The following RPAP1 variants were observed in gnomAD, a reference collection of about 807,000 sequenced individuals.
RPAP1 encodes the protein RNA polymerase II associated protein 1, also known as RNA polymerase II-associated protein 1.
In RPAP1, 109 loss-of-function variants were observed where a neutral mutation model predicts 142.4. That is an observed-to-expected ratio of 0.77 (90% CI 0.66 to 0.90). The LOEUF is 0.90. Ranked by LOEUF, RPAP1 falls within the 40% of genes least tolerant of loss-of-function variation. RPAP1 has a pLI of 0.00. For missense variants in RPAP1, 1,546 were observed against 1,751.7 expected (o/e 0.88, Z 2.10); for synonymous variants, 704 against 738.9 (o/e 0.95, Z 0.77).
In RPAP1 at chr15:41,522,799, G is replaced by T; in HGVS notation, c.2708C>A (p.Thr903Asn). 1.9e-6 allele frequency: 3 copies of T among 1,580,868 alleles called. No individual in the cohort carries two copies. The highest frequency in any genetic ancestry group is 2.6e-6 in the Non-Finnish European group (3 of 1,169,486). The change falls in exon 19 of 25, where the codon ACC becomes AAC. Residue 903 changes from threonine to asparagine, a missense_variant. By Grantham distance (65) the Thr-to-Asn change is moderately conservative. Around this residue, in one of 3 missense-constraint regions of RPAP1, gnomAD observed 1,333 missense variants for 1,486.6 expected, o/e 0.90. Transcript: ENST00000304330. ...FLTALLSLLN[T>N]LAQIHKGLCG... ...CAGCCCCTTGTGGATCTGGGCCAGGGTATTAAGAAGAGAGAGGAGGGCAGT... is the reference window on the plus strand; with the variant it reads ...CAGCCCCTTGTGGATCTGGGCCAGGTTATTAAGAAGAGAGAGGAGGGCAGT...
Position 41,535,601 on chromosome 15 carries a change from A to AG in RPAP1, c.451_452insC (p.Ile151ThrfsTer13). 6.2e-7 allele frequency: 1 copy of AG among 1,614,058 alleles called. No homozygotes were observed. The highest frequency in any genetic ancestry group is 1.1e-5 in the South Asian group (1 of 91,060). On this transcript the variant is annotated frameshift_variant, in exon 5 of 25. Coordinates refer to ENST00000304330, the MANE Select transcript of RPAP1 (RefSeq NM_015540.4). LOFTEE classifies it high-confidence loss of function. Reference sequence around the variant, plus strand: ...CCTTGCCGCAATTTCCTGGGCAAAGATGCTTCTCTTACCAGATGTTGCTGA... The same window carrying AG: ...CCTTGCCGCAATTTCCTGGGCAAAGAGTGCTTCTCTTACCAGATGTTGCTGA...
chr15:41,518,420 C>T (rs369431230), intron 22 of RPAP1: 2 of 378,440 alleles, frequency 5.3e-6, no homozygotes, highest in South Asian at 8.0e-5. Flanking sequence ...TAGTGGGCCA[C>T]GCCTGTAATC....
At position 41,524,270 on chromosome 15, in the gene RPAP1, G is replaced by A. The variant is rs2051765938; in HGVS notation, c.2076-16C>T. On this transcript the variant is annotated splice_polypyrimidine_tract_variant and intron_variant, in intron 15 of 24. Transcript: ENST00000304330. The stretch of plus-strand genomic sequence containing the variant: ...GTAGAGCTCCCTAGGGAAGAACAGG[G>A]ACTGATTTTCACTGTATGAAAGCAA... 3.3e-6 allele frequency: 5 copies of A among 1,510,910 alleles called. No individual in the cohort carries two copies. Among genetic ancestry groups the A allele is most frequent in the Admixed American group, 2.3e-5 (1 of 44,308 alleles). The allele number at this position is 1,510,910 out of a possible 1,614,324, so 93.6% of individuals were successfully genotyped here. A position where few individuals can be genotyped will look rare whatever the true frequency, so the allele number is the denominator to read the frequency against.
At chr15:41,524,621 GTGTGC>G in intron 15 of RPAP1, among the ~76,000 whole-genome samples, 2 of 151,954 alleles carry the variant, frequency 1.3e-5, no homozygotes, top group Admixed American at 1.3e-4. Flanking sequence ...GATTACAGGT[GTGTGC>G]CACCACGCCT....
In RPAP1 at chr15:41,535,630, C is replaced by T. The variant is rs150107533; in HGVS notation, c.423G>A (p.Gly141=). 2,357 of 1,610,732 alleles carry T rather than the reference C, an allele frequency of 1.5e-3. 1 individual carries two copies. Among genetic ancestry groups the T allele is most frequent in the Non-Finnish European group, 1.4e-3 (1,691 of 1,179,082 alleles). Reference sequence around the variant, plus strand: ...TTCTCTTACCAGATGTTGCTGATTTCCCCTGTGGGGCAAAAAGAAAACCCA... The same window carrying T: ...TTCTCTTACCAGATGTTGCTGATTTTCCCTGTGGGGCAAAAAGAAAACCCA... ...AVFLRSRDTQ[G]KSATSGKRSI... The change falls in exon 5 of 25, where the codon GGG becomes GGA. Residue 141 remains glycine (G), a splice_region_variant and synonymous_variant. Transcript: ENST00000304330.
intron 22 of RPAP1, among the ~76,000 whole-genome samples, chr15:41,519,169 G>C (rs928278894): frequency 2.0e-5 from 3 of 152,154 alleles, no homozygotes; most frequent in African/African-American, 7.2e-5. Context: ...TGGATTACAG[G>C]CATGAGCCAC....
intron 17 of RPAP1, 82 bp downstream of exon 17, chr15:41,523,689 G>C: frequency 8.4e-7 from 1 of 1,187,376 alleles, no homozygotes; most frequent in Non-Finnish European, 1.2e-6. Flanking sequence ...TGGAGAGATG[G>C]ACACAGAGAG....
intron 9 of RPAP1, among the ~76,000 whole-genome samples, chr15:41,529,212 G>A (rs970019735): frequency 6.6e-6 from 1 of 152,210 alleles, no homozygotes; most frequent in African/African-American, 2.4e-5. Flanking sequence ...GCATGCGCCT[G>A]TAATCCCAGC....
chr15:41,539,284 T>TTTTTTTG (rs564506841), intron 1 of RPAP1, among the ~76,000 whole-genome samples: 1 of 151,900 alleles, frequency 6.6e-6, no homozygotes, highest in African/African-American at 2.4e-5. Flanking sequence ...TTTTTGTTTT[T>TTTTTTTG]TTTTTTGTTT....
At chr15:41,532,166 C>T (rs891341834) in intron 6 of RPAP1, among the ~76,000 whole-genome samples, 3 of 151,552 alleles carry the variant, frequency 2.0e-5, no homozygotes, top group Non-Finnish European at 2.9e-5. Flanking sequence ...GGACTACAGG[C>T]GTGTGCCACC....
rs1402730588 is a variant in RPAP1 at position 41,527,733 on chromosome 15, G to A, written c.1428+127C>T. ...CTGGGCTTTAGGGACTTTAGGAGAT[G>A]AGGGAGACGCCTGCCATCCCATTCT... On this transcript the variant is annotated intron_variant, in intron 11 of 24. Coordinates refer to ENST00000304330, the MANE Select transcript of RPAP1 (RefSeq NM_015540.4). 1.8e-5 allele frequency: 26 copies of A among 1,456,176 alleles called. No individual in the cohort carries two copies. The Admixed American group carries it at 5.4e-4, about 30-fold the overall frequency. The allele number at this position is 1,456,176 out of a possible 1,614,324, so 90.2% of individuals were successfully genotyped here.
chr15:41,537,388 A>G (rs532454191), intron 1 of RPAP1, among the ~76,000 whole-genome samples, 187 bp from the exon 2 acceptor site: 6 of 152,050 alleles, frequency 3.9e-5, no homozygotes, highest in Non-Finnish European at 8.8e-5. Context: ...TTTATAGCCA[A>G]CTTAGGTTGT....
chr15:41,540,985 C>T (rs747571702), intron 1 of RPAP1, among the ~76,000 whole-genome samples: 9 of 152,164 alleles, frequency 5.9e-5, no homozygotes, highest in Non-Finnish European at 1.3e-4. Flanking sequence ...ACCTCCTCCC[C>T]TAGTTGTGAC....
chr15:41,523,438 C>G, intron 17 of RPAP1, 84 bp from the exon 18 acceptor site: 1 of 899,656 alleles, frequency 1.1e-6, no homozygotes, highest in South Asian at 1.7e-5. Context: ...TGCCACCATC[C>G]CAACAGCCCA....
Position 41,529,983 on chromosome 15 carries a change from G to A in RPAP1, c.944-4C>T, listed in dbSNP as rs753936784. 1 of 1,612,608 alleles carries A rather than the reference G, an allele frequency of 6.2e-7. No individual in the cohort carries two copies. The highest frequency in any genetic ancestry group is 1.3e-5 in the African/African-American group (1 of 75,018). On this transcript the variant is annotated splice_polypyrimidine_tract_variant and splice_region_variant and intron_variant, in intron 7 of 24. Transcript: ENST00000304330. ...GGGGTCACGGGCAATGCCAGAGCTG[G>A]GGAGACAAAGCATGATAGTATTACC...
intron 6 of RPAP1, 34 bp from the exon 7 acceptor site, chr15:41,531,236 G>A (rs983025814): frequency 6.3e-7 from 1 of 1,583,468 alleles, no homozygotes; most frequent in African/African-American, 1.3e-5. Context: ...AGTGAGTGAG[G>A]GTAGATCCTC....
chr15:41,539,030 A>C (rs1261331749), intron 1 of RPAP1, among the ~76,000 whole-genome samples: 1 of 152,224 alleles, frequency 6.6e-6, no homozygotes, highest in Non-Finnish European at 1.5e-5. Flanking sequence ...ATGGGAATTG[A>C]CAGCTAATGG....
chr15:41,530,133 T>A (rs550528501), intron 7 of RPAP1, among the ~76,000 whole-genome samples, 154 bp from the exon 8 acceptor site: 7 of 152,284 alleles, frequency 4.6e-5, no homozygotes, highest in Admixed American at 4.6e-4. Flanking sequence ...GCCCAGGGAC[T>A]GGAACTCCTG....
Position 41,527,585 on chromosome 15 carries a change from G to T in RPAP1, c.1449C>A (p.Phe483Leu). Residue 483 changes from phenylalanine to leucine, a missense_variant, in exon 12 of 25, where the codon TTC becomes TTA. Around this residue, in one of 3 missense-constraint regions of RPAP1, gnomAD observed 1,333 missense variants for 1,486.6 expected, o/e 0.90. Transcript: ENST00000304330. ...PGDEELLDST[F>L]SWYHGALTFP... Reference sequence around the variant, plus strand: ...ACGTCAAAGCTCCATGGTACCAAGAGAAGGTGCTGTCGAGGAGCTCCTGCC... The same window carrying T: ...ACGTCAAAGCTCCATGGTACCAAGATAAGGTGCTGTCGAGGAGCTCCTGCC... The T allele has an allele frequency of 6.2e-7, 1 of 1,613,718 alleles. No individual in the cohort carries two copies. Among genetic ancestry groups the T allele is most frequent in the Non-Finnish European group, 8.5e-7 (1 of 1,179,874 alleles).
Sources: allele counts gnomAD v4.1 joint callset (sites outside exome capture counted in the v4.1 genomes callset), GRCh38; gene constraint gnomAD v4.1.1; regional missense constraint gnomAD v4.1.1; transcripts MANE v1.5; gene names NCBI Gene and HGNC (gene_info 2026-07-23, HGNC 2026-07-21).